The following ZNF282 variants were observed in gnomAD, a reference collection of about 807,000 sequenced individuals.
ZNF282 encodes zinc finger protein 282, also known as HTLV-I U5 repressive element-binding protein 1.
Under a neutral mutation model 61.9 loss-of-function variants are expected in ZNF282, and 30 were observed. The observed-to-expected ratio is 0.48, with a 90% confidence interval of 0.36 to 0.66. ZNF282 has a LOEUF of 0.66. Among genes scored for constraint, ZNF282 ranks in the 30% least tolerant of loss-of-function variants. The pLI is 0.00. For missense variants in ZNF282, 788 were observed against 941.4 expected (o/e 0.84, Z 2.13); for synonymous variants, 396 against 405.0 (o/e 0.98, Z 0.27).
intron 2 of ZNF282, among the ~76,000 whole-genome samples, chr7:149,202,468 C>G (rs568064786): frequency 1.8e-4 from 27 of 152,088 alleles, no homozygotes; most frequent in African/African-American, 5.5e-4. Context: ...CACATCACCA[C>G]GCCCGGCTAA....
intron 2 of ZNF282, among the ~76,000 whole-genome samples, chr7:149,201,388 C>T (rs1795907391): frequency 1.3e-5 from 2 of 152,178 alleles, no homozygotes; most frequent in Admixed American, 1.3e-4. Context: ...CCCACCCATA[C>T]AGTCTATCTC....
chr7:149,202,150 CTTT>C (rs35380773), intron 2 of ZNF282, among the ~76,000 whole-genome samples: 9 of 126,536 alleles, frequency 7.1e-5, no homozygotes, highest in Middle Eastern at 4.2e-3. Flanking sequence ...AGATATGCTT[CTTT>C]TTTTTTTTTT....
chr7:149,214,797 C>T (rs1366383077), intron 7 of ZNF282, among the ~76,000 whole-genome samples: 1 of 152,128 alleles, frequency 6.6e-6, no homozygotes, highest in Non-Finnish European at 1.5e-5. Context: ...TGCACCACTG[C>T]ACTCCAGCCT....
chr7:149,221,278 G>A (rs2129523719), intron 7 of ZNF282, among the ~76,000 whole-genome samples: 1 of 152,350 alleles, frequency 6.6e-6, no homozygotes, highest in South Asian at 2.1e-4. Flanking sequence ...CTCCAGGCAA[G>A]CACAACGGCG....
chr7:149,210,654 G>C lies in ZNF282; in HGVS notation c.902G>C (p.Arg301Pro). The change falls in exon 5 of 8, where the codon CGG (arginine) becomes CCG (proline). Residue 301 changes from arginine to proline, a missense_variant. Physicochemically the swap from Arg to Pro is moderately radical, Grantham distance 103. Around this residue, in one of 3 missense-constraint regions of ZNF282, gnomAD observed 559 missense variants for 642.0 expected, o/e 0.87. Transcript: ENST00000610704. ...AAGCGTGAGGACACCCTGTGTGTCC[G>C]GGGTCAGCGGGGCCTGGAGGAAAGA... is the stretch of plus-strand genomic sequence containing the variant. ...QVKREDTLCV[R>P]GQRGLEERAI... is the part of the protein sequence containing the mutation. 6.2e-7 allele frequency: 1 copy of C among 1,610,640 alleles called. No homozygotes were observed. The highest frequency in any genetic ancestry group is 8.5e-7 in the Non-Finnish European group (1 of 1,178,882).
At chr7:149,206,655 G>T in intron 2 of ZNF282, 41 bp from the exon 3 acceptor site, 1 of 1,611,862 alleles carries the variant, frequency 6.2e-7, no homozygotes, top group Non-Finnish European at 8.5e-7. Flanking sequence ...TGGTGGGGAG[G>T]AACAGGCAGG....
chr7:149,222,879 C>A (rs955524380), intron 7 of ZNF282, among the ~76,000 whole-genome samples: 1 of 152,164 alleles, frequency 6.6e-6, no homozygotes, highest in Non-Finnish European at 1.5e-5. Flanking sequence ...ATCTCTTGAC[C>A]TCGTGATCCA....
intron 2 of ZNF282, among the ~76,000 whole-genome samples, chr7:149,199,441 C>T (rs1365174830): frequency 6.6e-6 from 1 of 152,002 alleles, no homozygotes; most frequent in Non-Finnish European, 1.5e-5. Flanking sequence ...TCTCCTTTCT[C>T]CTCTGAGTCA....
rs1484625188 is a variant in ZNF282 at position 149,224,703 on chromosome 7, C to G, written c.*56C>G. 2.1e-5 allele frequency: 31 copies of G among 1,442,968 alleles called. No homozygotes were observed. The South Asian group carries it at 3.9e-4, about 18-fold the overall frequency. The allele number at this position is 1,442,968 out of a possible 1,614,324, so 89.4% of individuals were successfully genotyped here. A position where few individuals can be genotyped will look rare whatever the true frequency, so the allele number is the denominator to read the frequency against. On this transcript the variant is annotated 3_prime_UTR_variant, in exon 8 of 8. Transcript: ENST00000610704. ...GAGTGGATCGGGGGCGGCCTGAGCA[C>G]CAACCACCTTGCCGGGTGTCCTCAG...
At position 149,226,039 on chromosome 7, in the gene ZNF282, GCCGGCAC is replaced by G. The variant is rs1342078831; in HGVS notation, c.*1401_*1407del. On this transcript the variant is annotated 3_prime_UTR_variant, in exon 8 of 8. Transcript: ENST00000610704. ...CTCCCAGCCGGGATCACAGTGGGCA[GCCGGCAC>G]CCGGCACCACTTTGGCGAGCGTCCT... 6.5e-6 allele frequency: 1 copy of G among 152,680 alleles called. No homozygotes were observed. Among genetic ancestry groups the G allele is most frequent in the Non-Finnish European group, 1.5e-5 (1 of 68,076 alleles). 9.5% of individuals were successfully genotyped at this position (152,680 alleles called of 1,614,324 possible). A position where few individuals can be genotyped will look rare whatever the true frequency, so the allele number is the denominator to read the frequency against.
chr7:149,222,831 A>G (rs1796276971), intron 7 of ZNF282, among the ~76,000 whole-genome samples: 1 of 151,686 alleles, frequency 6.6e-6, no homozygotes, highest in South Asian at 2.1e-4. Context: ...TATTTTTAGT[A>G]GAGATGGGGT....
chr7:149,204,894 G>A (rs375977506), intron 2 of ZNF282, among the ~76,000 whole-genome samples: 8 of 152,258 alleles, frequency 5.3e-5, no homozygotes, highest in Admixed American at 2.0e-4. Flanking sequence ...CAAGGCAGGC[G>A]GATCACGGGG....
In ZNF282 at chr7:149,195,738, G is replaced by A; in HGVS notation, c.149G>A (p.Gly50Glu). 2.6e-6 allele frequency: 4 copies of A among 1,531,226 alleles called. No individual in the cohort carries two copies. The highest frequency in any genetic ancestry group is 2.6e-6 in the Non-Finnish European group (3 of 1,139,844). 94.9% of individuals were successfully genotyped at this position (1,531,226 alleles called of 1,614,324 possible). Residue 50 changes from glycine to glutamate, a missense_variant, in exon 1 of 8, where the codon GGA becomes GAA. Transcript: ENST00000610704. ...GCGCTGCGCGGGGAAATGGCCGAGG[G>A]AATGCCGCCCATGCAGGTGGGAGAA... The part of the protein sequence containing the change: ...EPALRGEMAE[G>E]MPPMQAQEWD...
At chr7:149,196,127 G>C (rs1265959828) in intron 1 of ZNF282, among the ~76,000 whole-genome samples, 1 of 152,122 alleles carries the variant, frequency 6.6e-6, no homozygotes, top group Non-Finnish European at 1.5e-5. Context: ...TTCGCGGGCA[G>C]TGCTTCCGCC....
chr7:149,204,846 C>T (rs775104950), intron 2 of ZNF282, among the ~76,000 whole-genome samples: 2 of 152,102 alleles, frequency 1.3e-5, no homozygotes, highest in Non-Finnish European at 2.9e-5. Flanking sequence ...GGGCTGGGCA[C>T]GGTGGCTCAC....
chr7:149,224,646 A>G lies in ZNF282; in HGVS notation c.2015A>G (p.Ter672TrpextTer114), dbSNP rs987598751. ...CTCCCGCCGCCTCCTGAGCGAGACT[A>G]GGGCTGGGCTGGGGGAGGGCAGGGC... is the stretch of plus-strand genomic sequence containing the variant. ...RQLPPPPERD[*>W] The change falls in exon 8 of 8, where the codon TAG (stop) becomes TGG (tryptophan). Residue 672 changes from the stop codon to tryptophan (W), a stop_lost. Coordinates refer to ENST00000610704, the MANE Select transcript of ZNF282 (RefSeq NM_003575.4). 3.3e-6 allele frequency: 5 copies of G among 1,510,200 alleles called. No homozygotes were observed. The highest frequency in any genetic ancestry group is 1.4e-5 in the African/African-American group (1 of 72,452). The allele number at this position is 1,510,200 out of a possible 1,614,324, so 93.5% of individuals were successfully genotyped here.
chr7:149,219,513 G>T (rs917522311), intron 7 of ZNF282, among the ~76,000 whole-genome samples: 1 of 152,184 alleles, frequency 6.6e-6, no homozygotes, highest in Non-Finnish European at 1.5e-5. Context: ...GAGCCTGGGG[G>T]ATTTGACAGG....
chr7:149,200,382 C>T (rs1256942352), intron 2 of ZNF282, among the ~76,000 whole-genome samples: 1 of 152,162 alleles, frequency 6.6e-6, no homozygotes. Flanking sequence ...ACCACTCTCT[C>T]CGTGAAACCC....
Position 149,198,008 on chromosome 7 carries a change from G to A in ZNF282, c.166-325G>A, listed in dbSNP as rs1024684371. Among the ~76,000 whole-genome samples the A allele has an allele frequency of 1.3e-5, 2 of 152,262 alleles. No individual in the cohort carries two copies. The highest frequency in any genetic ancestry group is 2.9e-5 in the Non-Finnish European group (2 of 68,054). ...AATACAAAGTTCGTCATTAAGGCTAGCCCTTGAAGAAATCAGTTGGTCTAT... is the reference window on the plus strand; with the variant it reads ...AATACAAAGTTCGTCATTAAGGCTAACCCTTGAAGAAATCAGTTGGTCTAT... On this transcript the variant is annotated intron_variant, in intron 1 of 7. Transcript: ENST00000610704. This position sits in a 1 kb window ranked among gnomAD's most constrained non-coding sequence, Gnocchi z 4.3.
Sources: allele counts gnomAD v4.1 joint callset (sites outside exome capture counted in the v4.1 genomes callset), GRCh38; gene constraint gnomAD v4.1.1; regional missense constraint gnomAD v4.1.1; non-coding constraint Gnocchi (gnomAD v3.1); transcripts MANE v1.5; gene names NCBI Gene and HGNC (gene_info 2026-07-23, HGNC 2026-07-21).